Variants in COL23A1 observed in about 807,000 individuals in gnomAD.
COL23A1 encodes collagen type XXIII alpha 1 chain.
A neutral mutation model predicts 99.3 loss-of-function variants in COL23A1; 97 were observed. The ratio of observed to expected loss-of-function variants is 0.98; its 90% CI spans 0.83 to 1.16. COL23A1 has a LOEUF of 1.16. Ranked by LOEUF, COL23A1 falls within the 50% of genes most tolerant of loss-of-function variation. The probability of loss-of-function intolerance (pLI) is 0.00; values close to 1 mark genes in which losing one functional copy is unlikely to be tolerated. For missense variants in COL23A1, 762 were observed against 757.4 expected, an observed-to-expected ratio of 1.01 and a Z score of -0.07; for synonymous variants, 320 against 308.2, an observed-to-expected ratio of 1.04 and a Z score of -0.40.
chr5:178,261,210 C>T (rs576190748), intron 11 of COL23A1, among the ~76,000 whole-genome samples: 6 of 152,110 alleles, frequency 3.9e-5, no homozygotes, highest in Admixed American at 1.3e-4. Flanking sequence ...GTCAGGAGTT[C>T]GAGACTAGCC....
intron 2 of COL23A1, among the ~76,000 whole-genome samples, chr5:178,388,410 G>C (rs1211961881): frequency 6.6e-6 from 1 of 152,212 alleles, no homozygotes; most frequent in Non-Finnish European, 1.5e-5. Flanking sequence ...AACCTGCAGC[G>C]GGGCAGCTCA....
chr5:178,347,988 A>G (rs951787149), intron 2 of COL23A1, among the ~76,000 whole-genome samples: 3 of 152,100 alleles, frequency 2.0e-5, no homozygotes, highest in Non-Finnish European at 4.4e-5. Context: ...CAGTTCTAGA[A>G]ACTTAGAGGA....
intron 10 of COL23A1, 59 bp from the exon 11 acceptor site, chr5:178,261,807 CCTT>C (rs1322513954): frequency 1.0e-5 from 14 of 1,380,804 alleles, no homozygotes; most frequent in African/African-American, 8.4e-5. Context: ...CTGGGCCTGT[CCTT>C]CTTAGCATCC....
At position 178,569,241 on chromosome 5, in the gene COL23A1, G is replaced by A. The variant is rs148067913; in HGVS notation, c.295-8493C>T. On this transcript the variant is annotated intron_variant, in intron 1 of 28. Coordinates refer to ENST00000390654, the MANE Select transcript of COL23A1 (RefSeq NM_173465.4). The stretch of plus-strand genomic sequence containing the variant: ...AGTCCTTTGCCCATGTTAAAATTGG[G>A]TTGTGTGTAGTTTTGTTGTTGAACT... 3.5e-3 allele frequency among the ~76,000 whole-genome samples: 535 copies of A among 152,296 alleles called. 4 individuals are homozygous for A. The highest frequency in any genetic ancestry group is 0.012 in the African/African-American group (497 of 41,558).
chr5:178,489,381 C>T (rs1757807203), intron 2 of COL23A1, among the ~76,000 whole-genome samples: 1 of 152,222 alleles, frequency 6.6e-6, no homozygotes, highest in South Asian at 2.1e-4. Flanking sequence ...TGTCGGCTCC[C>T]CTGGTTCTGA....
At chr5:178,563,108 T>A (rs756115621) in intron 1 of COL23A1, among the ~76,000 whole-genome samples, 1 of 152,148 alleles carries the variant, frequency 6.6e-6, no homozygotes, top group African/African-American at 2.4e-5. Flanking sequence ...TTAGGCGCAC[T>A]CACTCCTCCA....
At chr5:178,562,180 T>C in intron 1 of COL23A1, 2 of 459,222 alleles carry the variant, frequency 4.4e-6, no homozygotes, top group Non-Finnish European at 8.6e-6. Flanking sequence ...AGGCGGAGGT[T>C]GCAGTGAGCC....
At chr5:178,584,619 G>A (rs1427683344) in intron 1 of COL23A1, among the ~76,000 whole-genome samples, 1 of 152,146 alleles carries the variant, frequency 6.6e-6, no homozygotes, top group Non-Finnish European at 1.5e-5. Context: ...GCTCGGTGAG[G>A]GAAGGAGGGA....
At chr5:178,325,325 A>G (rs1322739790) in intron 2 of COL23A1, among the ~76,000 whole-genome samples, 1 of 147,692 alleles carries the variant, frequency 6.8e-6, no homozygotes, top group Non-Finnish European at 1.5e-5. Flanking sequence ...TGTCTTTGGG[A>G]CAGCGCTCCC....
chr5:178,561,339 G>T (rs1018108805), intron 1 of COL23A1, among the ~76,000 whole-genome samples: 3 of 152,108 alleles, frequency 2.0e-5, no homozygotes, highest in African/African-American at 7.2e-5. Context: ...AGAAAATTTG[G>T]TTCGGTAAAA....
At chr5:178,265,645 G>A (rs1185070322) in intron 8 of COL23A1, 3 of 984,606 alleles carry the variant, frequency 3.0e-6, no homozygotes, top group South Asian at 4.7e-5. Context: ...CCCCCACTCA[G>A]CCAGTCTACC....
intron 2 of COL23A1, among the ~76,000 whole-genome samples, chr5:178,488,993 C>T (rs56137206): frequency 0.22 from 33,134 of 152,170 alleles, 4,011 homozygotes; most frequent in Middle Eastern, 0.28. Context: ...CCAAACTCAG[C>T]GCCTGGGAAG....
intron 2 of COL23A1, among the ~76,000 whole-genome samples, chr5:178,496,524 A>G (rs1330851913): frequency 6.6e-6 from 1 of 152,246 alleles, no homozygotes; most frequent in Non-Finnish European, 1.5e-5. Context: ...ATATTTTAAG[A>G]ATACATGGGA....
chr5:178,590,097 C>T lies in COL23A1; in HGVS notation c.101G>A (p.Arg34Gln), dbSNP rs1475805752. The T allele has an allele frequency of 2.4e-6, 3 of 1,271,576 alleles. No homozygotes were observed. The highest frequency in any genetic ancestry group is 2.5e-5 in the South Asian group (1 of 39,540). The allele number at this position is 1,271,576 out of a possible 1,614,324, so 78.8% of individuals were successfully genotyped here. A position where few individuals can be genotyped will look rare whatever the true frequency, so the allele number is the denominator to read the frequency against. The change falls in exon 1 of 29, where the codon CGG becomes CAG. Residue 34 changes from arginine (R) to glutamine (Q), a missense_variant. Arg to Gln is a conservative substitution (Grantham distance 43). Transcript: ENST00000390654. The surrounding 1 kb of genome is among the most constrained non-coding windows in gnomAD (Gnocchi z 5.7). The stretch of plus-strand genomic sequence containing the variant: ...CAGCAGGCACAGCGCGCTCACCGCC[C>T]GGGACCCGGCCGTCGTCGCCGAGCG... ...GGRSATTAGS[R>Q]AVSALCLLLS...
intron 25 of COL23A1, among the ~76,000 whole-genome samples, chr5:178,244,144 TA>T (rs1480337557): frequency 3.2e-5 from 2 of 62,048 alleles, no homozygotes; most frequent in Non-Finnish European, 3.5e-5. Flanking sequence ...CATGCCTGGC[TA>T]ATTTTTTTTT....
At chr5:178,401,762 T>C (rs767510458) in intron 2 of COL23A1, among the ~76,000 whole-genome samples, 15 of 152,220 alleles carry the variant, frequency 9.9e-5, no homozygotes, top group Non-Finnish European at 2.1e-4. Flanking sequence ...TAGCAGTATA[T>C]GAGAGCTCTG....
intron 2 of COL23A1, among the ~76,000 whole-genome samples, chr5:178,533,495 G>A (rs993705482): frequency 6.6e-6 from 1 of 152,120 alleles, no homozygotes; most frequent in East Asian, 1.9e-4. Flanking sequence ...GTTGTAGCAT[G>A]TGTCGGAGTT....
chr5:178,426,029 A>AG (rs550838580), intron 2 of COL23A1, among the ~76,000 whole-genome samples: 81 of 152,172 alleles, frequency 5.3e-4, no homozygotes, highest in Admixed American at 9.8e-4. Context: ...TCTCCACAGC[A>AG]GGGGGGGCAA....
chr5:178,499,825 A>T (rs945096717), intron 2 of COL23A1, among the ~76,000 whole-genome samples: 2 of 152,258 alleles, frequency 1.3e-5, no homozygotes, highest in African/African-American at 2.4e-5. Flanking sequence ...TAGCAAAAGG[A>T]TAAACAAATT....
Sources: gnomAD v4.1 joint callset for allele counts (sites outside exome capture counted in the v4.1 genomes callset) on GRCh38, gnomAD v4.1.1 for gene constraint, Gnocchi (gnomAD v3.1) non-coding constraint, MANE v1.5 for transcripts, NCBI Gene and HGNC (gene_info 2026-07-23, HGNC 2026-07-21) for gene names.